The following MTA3 variants were observed in gnomAD, a reference collection of about 807,000 sequenced individuals.
MTA3 encodes the protein metastasis associated 1 family member 3.
MTA3 carries 34 observed loss-of-function variants against 83.5 expected under a neutral mutation model. The observed-to-expected ratio is 0.41, with a 90% CI of 0.31 to 0.54. MTA3 has a LOEUF of 0.54. Among genes scored for constraint, MTA3 ranks in the 20% least tolerant of loss-of-function variants. The probability of loss-of-function intolerance (pLI) is 0.33; values close to 1 mark genes in which losing one functional copy is unlikely to be tolerated. For missense variants in MTA3, 761 were observed against 726.4 expected, an observed-to-expected ratio of 1.05 and a Z score of -0.55; for synonymous variants, 303 against 252.7, an observed-to-expected ratio of 1.20 and a Z score of -1.89.
chr2:42,555,065 G>A (rs1298308856), intron 2 of MTA3, among the ~76,000 whole-genome samples: 1 of 151,302 alleles, frequency 6.6e-6, no homozygotes, highest in Non-Finnish European at 1.5e-5. Flanking sequence ...AGGCAGGAGA[G>A]TCGCTGGAAC....
chr2:42,623,079 A>C (rs765881408), intron 4 of MTA3, among the ~76,000 whole-genome samples: 7 of 152,212 alleles, frequency 4.6e-5, no homozygotes, highest in Non-Finnish European at 8.8e-5. Flanking sequence ...AATGGTACCA[A>C]GTCAGTTGGG....
At chr2:42,623,597 A>G (rs1358769944) in intron 4 of MTA3, among the ~76,000 whole-genome samples, 1 of 151,980 alleles carries the variant, frequency 6.6e-6, no homozygotes, top group Non-Finnish European at 1.5e-5. Flanking sequence ...TTTTTGTTGA[A>G]GAAACTGGGA....
chr2:42,552,343 A>T (rs963284654), intron 2 of MTA3, among the ~76,000 whole-genome samples: 3 of 152,230 alleles, frequency 2.0e-5, no homozygotes, highest in Non-Finnish European at 4.4e-5. Flanking sequence ...CCTTTCTTAG[A>T]TAAATTAATG....
chr2:42,735,554 C>A (rs968866546), intron 16 of MTA3, among the ~76,000 whole-genome samples: 7 of 152,188 alleles, frequency 4.6e-5, no homozygotes, highest in African/African-American at 1.4e-4. Context: ...AATCTTTCTA[C>A]AATCTGTCCC....
chr2:42,501,854 T>C (rs1317357440), intron 2 of MTA3, among the ~76,000 whole-genome samples: 1 of 152,076 alleles, frequency 6.6e-6, no homozygotes, highest in African/African-American at 2.4e-5. Context: ...GGCGCATGCT[T>C]GTAATCCCAG....
intron 14 of MTA3, among the ~76,000 whole-genome samples, chr2:42,712,510 A>T (rs1318817817): frequency 6.6e-6 from 1 of 152,072 alleles, no homozygotes; most frequent in Admixed American, 6.6e-5. Context: ...TTTTTAAACC[A>T]ATTTCCCCAA....
At position 42,755,013 on chromosome 2, in the gene MTA3, G is replaced by T; in HGVS notation, c.*1614G>T. 5.1e-6 allele frequency: 5 copies of T among 985,616 alleles called. No individual in the cohort carries two copies. Among genetic ancestry groups the T allele is most frequent in the Non-Finnish European group, 6.0e-6 (5 of 830,132 alleles). 61.1% of individuals were successfully genotyped at this position (985,616 alleles called of 1,614,324 possible). ...TGGAGCTGTGCTGGGTCTTGGCTTG[G>T]GGCGCTGAGGGTGGGGCCTGTGTCA... is the stretch of plus-strand genomic sequence containing the variant. On this transcript the variant is annotated 3_prime_UTR_variant, in exon 17 of 17. Coordinates refer to ENST00000405094, the MANE Select transcript of MTA3 (RefSeq NM_001330442.2).
At position 42,756,084 on chromosome 2, in the gene MTA3, G is replaced by T; in HGVS notation, c.*2685G>T. 2 of 949,242 alleles carry T rather than the reference G, an allele frequency of 2.1e-6. No homozygotes were observed. Among genetic ancestry groups the T allele is most frequent in the Non-Finnish European group, 2.5e-6 (2 of 796,920 alleles). 58.8% of individuals were successfully genotyped at this position (949,242 alleles called of 1,614,324 possible). ...ATTTGTTTAACACAAAACAAGAAAA[G>T]CTGAGAGGCAAAACAGGGGAGTGAG... On this transcript the variant is annotated 3_prime_UTR_variant, in exon 17 of 17. Coordinates refer to ENST00000405094, the MANE Select transcript of MTA3 (RefSeq NM_001330442.2).
Position 42,703,847 on chromosome 2 carries a change from G to A in MTA3, c.1026-347G>A, listed in dbSNP as rs865914947. The stretch of plus-strand genomic sequence containing the variant: ...GGATGTTGCAGTGAGCCGAGATCGC[G>A]CCACTGCACTCCAGCCTGGGCAACA... On this transcript the variant is annotated intron_variant, in intron 11 of 16. Coordinates refer to ENST00000405094, the MANE Select transcript of MTA3 (RefSeq NM_001330442.2). The A allele has an allele frequency of 3.4e-5, 6 of 176,480 alleles. No homozygotes were observed. In the South Asian group the frequency reaches 4.5e-4, roughly 13 times the overall value. 10.9% of individuals were successfully genotyped at this position (176,480 alleles called of 1,614,324 possible).
At chr2:42,575,570 A>AG (rs1678949077) in intron 2 of MTA3, among the ~76,000 whole-genome samples, 1 of 152,178 alleles carries the variant, frequency 6.6e-6, no homozygotes. Context: ...TAAAAAAAAA[A>AG]CAGGTCTAGT....
intron 2 of MTA3, among the ~76,000 whole-genome samples, chr2:42,552,649 GAAGAAA>G (rs1461215839): frequency 3.3e-5 from 5 of 150,682 alleles, no homozygotes; most frequent in African/African-American, 1.2e-4. Context: ...AGAAGAAGAA[GAAGAAA>G]AAGAAAAAAG....
chr2:42,560,733 C>T (rs577788458), intron 2 of MTA3, among the ~76,000 whole-genome samples: 1 of 151,800 alleles, frequency 6.6e-6, no homozygotes, highest in Admixed American at 6.6e-5. Flanking sequence ...AGTAAAACTC[C>T]ATCTCTACTG....
intron 7 of MTA3, among the ~76,000 whole-genome samples, chr2:42,656,772 C>G (rs777648727): frequency 2.6e-5 from 4 of 152,270 alleles, no homozygotes; most frequent in African/African-American, 4.8e-5. Context: ...CCTTCCTCCC[C>G]TTTTCTTAAG....
At chr2:42,717,935 C>T (rs966007476) in intron 14 of MTA3, among the ~76,000 whole-genome samples, 3 of 152,184 alleles carry the variant, frequency 2.0e-5, no homozygotes, top group East Asian at 1.9e-4. Context: ...TTGTGCTTTA[C>T]GGCGATTATT....
intron 3 of MTA3, among the ~76,000 whole-genome samples, chr2:42,604,579 T>C (rs1349978919): frequency 4.0e-5 from 6 of 150,496 alleles, no homozygotes; most frequent in Non-Finnish European, 8.9e-5. Context: ...CTTTTCTTTT[T>C]TTTTTTTTTT....
chr2:42,498,248 G>A (rs1230031266), intron 2 of MTA3, among the ~76,000 whole-genome samples: 1 of 152,110 alleles, frequency 6.6e-6, no homozygotes, highest in East Asian at 1.9e-4. Context: ...ACAGCTTTTC[G>A]AATGGAAATT....
intron 9 of MTA3, among the ~76,000 whole-genome samples, chr2:42,686,540 A>G (rs1326742787): frequency 6.6e-6 from 1 of 151,388 alleles, no homozygotes; most frequent in African/African-American, 2.4e-5. Context: ...AAAAGAAAGA[A>G]CAGTCTGGGC....
intron 8 of MTA3, among the ~76,000 whole-genome samples, chr2:42,667,570 T>TA (rs1690341516): frequency 1.4e-5 from 2 of 145,010 alleles, no homozygotes; most frequent in African/African-American, 5.1e-5. Context: ...CATTTAAAAA[T>TA]TGTGTGTGTG....
chr2:42,701,446 A>G (rs998471888), intron 11 of MTA3, among the ~76,000 whole-genome samples: 20 of 131,894 alleles, frequency 1.5e-4, no homozygotes, highest in Non-Finnish European at 2.4e-4. Flanking sequence ...AAAAGTAAAT[A>G]AAGAGCCAGG....
Sources: gnomAD v4.1 joint callset for allele counts (sites outside exome capture counted in the v4.1 genomes callset) on GRCh38, gnomAD v4.1.1 for gene constraint, MANE v1.5 for transcripts, NCBI Gene and HGNC (gene_info 2026-07-23, HGNC 2026-07-21) for gene names.